AKAP13: variants seen among roughly 807,000 people sequenced by gnomAD.
AKAP13 encodes A-kinase anchor protein 13.
Under a neutral mutation model 264.5 loss-of-function variants are expected in AKAP13, and 80 were observed. The ratio of observed to expected loss-of-function variants is 0.30; its 90% CI spans 0.25 to 0.36. AKAP13 has a LOEUF of 0.36. Among genes scored for constraint, AKAP13 ranks in the 10% least tolerant of loss-of-function variants. The pLI is 1.00. For missense variants in AKAP13, 3,712 were observed against 3,435.2 expected, an observed-to-expected ratio of 1.08 and a Z score of -2.01; for synonymous variants, 1,380 against 1,250.2, an observed-to-expected ratio of 1.10 and a Z score of -2.19.
Position 85,710,659 on chromosome 15 carries a change from C to A in AKAP13, c.5599+14C>A, listed in dbSNP as rs1435500318. ...TGAGAAACAAGCGTAAGTAGCTCAG[C>A]CCACCTCTCAATTCCCTTTCTGACT... On this transcript the variant is annotated intron_variant, in intron 19 of 36. Transcript: ENST00000394518. 3.1e-6 allele frequency: 5 copies of A among 1,612,394 alleles called. No individual in the cohort carries two copies. The East Asian group carries it at 1.1e-4, about 36-fold the overall frequency.
At chr15:85,456,588 C>T (rs1358509223) in intron 1 of AKAP13, among the ~76,000 whole-genome samples, 8 of 141,272 alleles carry the variant, frequency 5.7e-5, no homozygotes, top group South Asian at 4.5e-4. Flanking sequence ...CTTGCTCTGT[C>T]GCCCGGGCTG....
At chr15:85,636,392 T>C (rs2082072189) in intron 8 of AKAP13, among the ~76,000 whole-genome samples, 1 of 152,234 alleles carries the variant, frequency 6.6e-6, no homozygotes, top group South Asian at 2.1e-4. Flanking sequence ...TTTCTTTTTC[T>C]GCTTTACTGC....
At chr15:85,381,486 CTT>C (rs553047572) in intron 1 of AKAP13, among the ~76,000 whole-genome samples, 8 of 84,478 alleles carry the variant, frequency 9.5e-5, no homozygotes, top group Admixed American at 1.5e-4. Context: ...CCAAACAAAA[CTT>C]TTTTTTTTTT....
chr15:85,553,912 A>G (rs2078051274), intron 5 of AKAP13, among the ~76,000 whole-genome samples: 2 of 152,136 alleles, frequency 1.3e-5, no homozygotes, highest in South Asian at 4.1e-4. Context: ...ATGCCTGATG[A>G]TCTGAGGTGG....
chr15:85,679,028 C>T (rs2084425290), intron 14 of AKAP13, among the ~76,000 whole-genome samples: 1 of 151,956 alleles, frequency 6.6e-6, no homozygotes, highest in African/African-American at 2.4e-5. Flanking sequence ...ATCACGAGGT[C>T]GGGAGTTCAA....
intron 16 of AKAP13, chr15:85,691,867 AGAG>A: frequency 2.0e-6 from 1 of 493,302 alleles, no homozygotes; most frequent in Non-Finnish European, 4.0e-6. Context: ...AAAAGAGGTC[AGAG>A]AGCACGGCGT....
chr15:85,485,662 C>T (rs566230427), intron 1 of AKAP13, 48 bp from the exon 2 acceptor site: 164 of 1,563,022 alleles, frequency 1.0e-4, no homozygotes, highest in South Asian at 8.5e-4. Context: ...TATATATTTT[C>T]GGTGACAACT....
At chr15:85,555,543 C>G (rs1179792835) in intron 5 of AKAP13, 1 of 1,156,016 alleles carries the variant, frequency 8.7e-7, no homozygotes, top group African/African-American at 1.6e-5. Context: ...TGTTTATTCT[C>G]TGACATTTTC....
chr15:85,613,316 A>G (rs1423891523), intron 8 of AKAP13, among the ~76,000 whole-genome samples: 1 of 152,144 alleles, frequency 6.6e-6, no homozygotes, highest in Non-Finnish European at 1.5e-5. Flanking sequence ...TCTGTATTGT[A>G]TAGAAGATGG....
intron 2 of AKAP13, among the ~76,000 whole-genome samples, chr15:85,506,838 C>T (rs1044490831): frequency 1.3e-5 from 2 of 152,188 alleles, no homozygotes; most frequent in Non-Finnish European, 2.9e-5. Context: ...AATATAAAGG[C>T]TGATCCTTGG....
chr15:85,415,282 TTGA>T, intron 1 of AKAP13: 2 of 1,584,824 alleles, frequency 1.3e-6, no homozygotes, highest in Non-Finnish European at 1.7e-6. Context: ...AGCAGAGGCT[TTGA>T]TGAATATGTG....
chr15:85,683,333 C>T (rs2084706809), intron 15 of AKAP13, among the ~76,000 whole-genome samples: 1 of 152,252 alleles, frequency 6.6e-6, no homozygotes, highest in Non-Finnish European at 1.5e-5. Flanking sequence ...TGCCCTCTCA[C>T]AGAGGCCCTA....
intron 2 of AKAP13, among the ~76,000 whole-genome samples, chr15:85,506,952 T>C (rs1421185668): frequency 1.3e-5 from 2 of 152,208 alleles, no homozygotes; most frequent in Admixed American, 6.5e-5. Flanking sequence ...TCTCCCCTCC[T>C]TGGAGTGACT....
chr15:85,464,859 G>T (rs1418662482), intron 1 of AKAP13, among the ~76,000 whole-genome samples: 2 of 152,166 alleles, frequency 1.3e-5, no homozygotes, highest in Admixed American at 6.5e-5. Context: ...CTAAGGATAG[G>T]TTAATGATGA....
intron 1 of AKAP13, among the ~76,000 whole-genome samples, chr15:85,386,870 T>G (rs1406783434): frequency 1.3e-5 from 2 of 152,208 alleles, no homozygotes; most frequent in African/African-American, 2.4e-5. Flanking sequence ...CACTGTTGAT[T>G]ACTGTCACCT....
At chr15:85,691,200 A>G (rs948269946) in intron 16 of AKAP13, among the ~76,000 whole-genome samples, 8 of 152,224 alleles carry the variant, frequency 5.3e-5, no homozygotes, top group Non-Finnish European at 7.3e-5. Flanking sequence ...AGGACATAAC[A>G]ATGGTATTGA....
At chr15:85,710,276 G>A (rs1291445021) in intron 18 of AKAP13, among the ~76,000 whole-genome samples, 3 of 152,162 alleles carry the variant, frequency 2.0e-5, no homozygotes, top group Non-Finnish European at 2.9e-5. Flanking sequence ...GTGAGGAGAG[G>A]AGAGAAGCTA....
chr15:85,678,355 C>G (rs2084370512), intron 14 of AKAP13, among the ~76,000 whole-genome samples: 1 of 152,142 alleles, frequency 6.6e-6, no homozygotes, highest in Non-Finnish European at 1.5e-5. Flanking sequence ...TCACACTATT[C>G]TTAAAGGGAA....
chr15:85,451,620 T>A (rs1395792765), intron 1 of AKAP13, among the ~76,000 whole-genome samples: 4 of 152,238 alleles, frequency 2.6e-5, no homozygotes, highest in Admixed American at 1.3e-4. Context: ...TTATTTCTCT[T>A]TTGCTTCGGA....
Sources: gnomAD v4.1 joint callset for allele counts (sites outside exome capture counted in the v4.1 genomes callset) on GRCh38, gnomAD v4.1.1 for gene constraint, MANE v1.5 for transcripts, NCBI Gene and HGNC (gene_info 2026-07-23, HGNC 2026-07-21) for gene names.